Variants in EML6 observed in about 807,000 individuals in gnomAD.
The protein encoded by EML6 is EMAP like 6, also known as echinoderm microtubule-associated protein-like 6.
A neutral mutation model predicts 240.1 loss-of-function variants in EML6; 154 were observed. The ratio of observed to expected loss-of-function variants is 0.64; its 90% CI spans 0.56 to 0.73. The LOEUF (loss-of-function observed/expected upper bound fraction) is 0.73. Ranked by LOEUF, EML6 falls within the 30% of genes least tolerant of loss-of-function variation. EML6 has a pLI of 0.00. For missense variants in EML6, 2,964 were observed against 2,474.6 expected, an observed-to-expected ratio of 1.20 and a Z score of -4.20; for synonymous variants, 1,148 against 899.0, an observed-to-expected ratio of 1.28 and a Z score of -4.95.
At chr2:54,906,107 T>C (rs746942270) in intron 24 of EML6, among the ~76,000 whole-genome samples, 2 of 152,202 alleles carry the variant, frequency 1.3e-5, no homozygotes, top group Non-Finnish European at 2.9e-5. Flanking sequence ...TACTATACTG[T>C]TTTCCATAGC....
intron 16 of EML6, among the ~76,000 whole-genome samples, chr2:54,878,788 A>T (rs1220679282): frequency 6.6e-6 from 1 of 152,158 alleles, no homozygotes; most frequent in Admixed American, 6.5e-5. Flanking sequence ...ACTAAAGGAA[A>T]ATGTTCATGA....
intron 8 of EML6, among the ~76,000 whole-genome samples, chr2:54,844,586 G>A (rs1194369150): frequency 6.6e-6 from 1 of 152,108 alleles, no homozygotes; most frequent in Non-Finnish European, 1.5e-5. Flanking sequence ...CTTCTGCAGG[G>A]GGCTGCATGG....
chr2:54,870,279 T>C (rs1671183474), intron 15 of EML6, among the ~76,000 whole-genome samples: 1 of 152,162 alleles, frequency 6.6e-6, no homozygotes, highest in Non-Finnish European at 1.5e-5. Flanking sequence ...AGTCAACCCC[T>C]TAAAAAGTTG....
At chr2:54,755,457 A>G (rs1458539027) in intron 2 of EML6, among the ~76,000 whole-genome samples, 1 of 152,158 alleles carries the variant, frequency 6.6e-6, no homozygotes, top group African/African-American at 2.4e-5. Flanking sequence ...GAGAATTGAC[A>G]TCTTTATAAT....
intron 25 of EML6, among the ~76,000 whole-genome samples, chr2:54,913,071 G>GTTTTTTTTTTTT (rs1216432893): frequency 2.4e-5 from 3 of 125,726 alleles, no homozygotes; most frequent in Non-Finnish European, 3.3e-5. Context: ...GCCAGATTCT[G>GTTTTTTTTTTTT]TTTTTTTTTT....
At chr2:54,907,908 A>AT (rs368840324) in intron 24 of EML6, among the ~76,000 whole-genome samples, 16 of 47,448 alleles carry the variant, frequency 3.4e-4, no homozygotes, top group African/African-American at 8.2e-4. Flanking sequence ...GATTAGATAG[A>AT]TAGATAGATA....
intron 11 of EML6, among the ~76,000 whole-genome samples, chr2:54,856,931 G>A (rs1269701354): frequency 6.6e-6 from 1 of 152,182 alleles, no homozygotes; most frequent in African/African-American, 2.4e-5. Context: ...ATACTAGGAA[G>A]AGATACAGAA....
intron 22 of EML6, among the ~76,000 whole-genome samples, chr2:54,900,331 G>C (rs1672990607): frequency 1.3e-5 from 2 of 152,170 alleles, no homozygotes; most frequent in Non-Finnish European, 2.9e-5. Context: ...TAGTGTCAGA[G>C]ATAGACAGGA....
intron 2 of EML6, among the ~76,000 whole-genome samples, chr2:54,787,591 G>A (rs1477634734): frequency 2.0e-5 from 3 of 152,158 alleles, no homozygotes; most frequent in Non-Finnish European, 4.4e-5. Flanking sequence ...GTAATTGATC[G>A]ATAAATAGTA....
chr2:54,806,612 C>CAAAAAAAAAAAAAAAAAAAAA (rs58185994), intron 2 of EML6, among the ~76,000 whole-genome samples: 47 of 52,866 alleles, frequency 8.9e-4, no homozygotes, highest in East Asian at 3.2e-3. Context: ...ACTCCGTCTC[C>CAAAAAAAAAAAAAAAAAAAAA]AAAAAAAAAA....
chr2:54,793,979 A>T (rs963629106), intron 2 of EML6, among the ~76,000 whole-genome samples: 2 of 152,228 alleles, frequency 1.3e-5, no homozygotes, highest in Admixed American at 1.3e-4. Context: ...TCCCTGAAAT[A>T]GCTCTTCGGT....
chr2:54,821,625 C>A (rs932966584), intron 5 of EML6, among the ~76,000 whole-genome samples: 1 of 152,118 alleles, frequency 6.6e-6, no homozygotes, highest in South Asian at 2.1e-4. Context: ...ATATGTACCA[C>A]TATTTACTAA....
chr2:54,950,796 A>C lies in EML6; in HGVS notation c.4213+17A>C. The C allele has an allele frequency of 6.5e-7, 1 of 1,545,172 alleles. No individual in the cohort carries two copies. Among genetic ancestry groups the C allele is most frequent in the Non-Finnish European group, 8.7e-7 (1 of 1,144,660 alleles). On this transcript the variant is annotated intron_variant, in intron 30 of 41. Coordinates refer to ENST00000356458, the MANE Select transcript of EML6 (RefSeq NM_001039753.4). Reference sequence around the variant, plus strand: ...TCTCCACAGGTAACCGGGGGTTAAAAAATACAGGTTTTTCTTTTAGCTGTT... The same window carrying C: ...TCTCCACAGGTAACCGGGGGTTAAACAATACAGGTTTTTCTTTTAGCTGTT...
At chr2:54,962,741 C>A (rs1676577340) in intron 36 of EML6, 30 bp downstream of exon 36, 1 of 1,440,362 alleles carries the variant, frequency 6.9e-7, no homozygotes, top group Non-Finnish European at 9.2e-7. Flanking sequence ...AACTCAGATG[C>A]CCACGAGTGG....
chr2:54,813,775 C>G lies in EML6; in HGVS notation c.357+384C>G, dbSNP rs190375713. 1.9e-3 allele frequency among the ~76,000 whole-genome samples: 284 copies of G among 152,340 alleles called. 2 individuals carry two copies. The highest frequency in any genetic ancestry group is 6.5e-3 in the African/African-American group (269 of 41,564). On this transcript the variant is annotated intron_variant, in intron 3 of 41. Transcript: ENST00000356458. ...CTGAGCATGTCTGTAGTACCTCTTG[C>G]TTTCAAAAGATGACATCACCTCCTA...
intron 2 of EML6, among the ~76,000 whole-genome samples, chr2:54,761,334 G>A (rs1037416066): frequency 1.6e-4 from 24 of 151,880 alleles, no homozygotes; most frequent in African/African-American, 4.8e-4. Flanking sequence ...TGAAAAAAAA[G>A]CATAAATGAA....
chr2:54,841,714 A>T (rs1669466827), intron 7 of EML6, among the ~76,000 whole-genome samples: 1 of 142,008 alleles, frequency 7.0e-6, no homozygotes, highest in African/African-American at 2.6e-5. Flanking sequence ...TGCCTCAGCC[A>T]CCCGGGTAGC....
At chr2:54,897,930 G>A (rs1427924593) in intron 21 of EML6, among the ~76,000 whole-genome samples, 2 of 152,162 alleles carry the variant, frequency 1.3e-5, no homozygotes, top group African/African-American at 4.8e-5. Flanking sequence ...TGTAGAGGCA[G>A]TGTGAGTGAG....
chr2:54,799,701 T>A (rs1670016547), intron 2 of EML6, among the ~76,000 whole-genome samples: 1 of 152,174 alleles, frequency 6.6e-6, no homozygotes, highest in African/African-American at 2.4e-5. Flanking sequence ...AGAGACCATA[T>A]GACCATCAAA....
Sources: allele counts gnomAD v4.1 joint callset (sites outside exome capture counted in the v4.1 genomes callset), GRCh38; gene constraint gnomAD v4.1.1; transcripts MANE v1.5; gene names NCBI Gene and HGNC (gene_info 2026-07-23, HGNC 2026-07-21).